Variants in ZNF91 observed in about 807,000 individuals in gnomAD.
ZNF91 encodes zinc finger protein 91.
A neutral mutation model predicts 12.6 loss-of-function variants in ZNF91; 7 were observed. The ratio of observed to expected loss-of-function variants is 0.55; its 90% CI spans 0.31 to 1.04. The LOEUF (loss-of-function observed/expected upper bound fraction) is 1.04, where lower values mean the gene tolerates loss of function less well. Among genes scored for constraint, ZNF91 ranks in the 50% least tolerant of loss-of-function variants. ZNF91 has a pLI of 0.05. For missense variants in ZNF91, 1,217 were observed against 1,385.4 expected (o/e 0.88, Z 1.93); for synonymous variants, 453 against 462.6 (o/e 0.98, Z 0.27).
intron 1 of ZNF91, among the ~76,000 whole-genome samples, chr19:23,316,010 T>C (rs1013226538): frequency 2.6e-5 from 4 of 152,152 alleles, no homozygotes; most frequent in African/African-American, 4.8e-5. Context: ...ACTCAACAAG[T>C]AGGTGATGCG....
At chr19:23,326,721 C>T (rs1288009530) in intron 1 of ZNF91, 1 of 152,206 alleles carries the variant, frequency 6.6e-6, no homozygotes, top group Admixed American at 6.5e-5. Flanking sequence ...TATTACTACA[C>T]ATTCAGCAAA....
chr19:23,373,831 G>C lies in ZNF91; in HGVS notation c.164C>G (p.Ala55Gly), dbSNP rs1285916572. The C allele has an allele frequency of 6.3e-7, 1 of 1,596,874 alleles. No homozygotes were observed. Among genetic ancestry groups the C allele is most frequent in the Non-Finnish European group, 8.5e-7 (1 of 1,172,464 alleles). Residue 55 changes from alanine to glycine, a missense_variant, in exon 3 of 4, where the codon GCT becomes GGT. Physicochemically the swap from Ala to Gly is moderately conservative, Grantham distance 60. This residue lies in a region of ZNF91 where 726 missense variants were observed against 895.5 expected (regional missense o/e 0.81). Coordinates refer to ENST00000300619, the MANE Select transcript of ZNF91 (RefSeq NM_003430.4). ...NYRNLAFLGI[A>G]LSKPDLITYL... Reference sequence around the variant, plus strand: ...AGTAATCAGGTCTGGCTTAGAGAGAGCAATACCTGTTTTATTAAAAATAAC... The same window carrying C: ...AGTAATCAGGTCTGGCTTAGAGAGACCAATACCTGTTTTATTAAAAATAAC...
At chr19:23,315,554 C>T (rs1298659476), upstream of ZNF91, among the ~76,000 whole-genome samples, 1 of 151,218 alleles carries the variant, frequency 6.6e-6, no homozygotes, top group Admixed American at 6.6e-5. Context: ...GGGCCCATGA[C>T]CTGACCTAGG....
intron 1 of ZNF91, among the ~76,000 whole-genome samples, chr19:23,383,602 C>T (rs974692504): frequency 1.3e-5 from 2 of 151,972 alleles, no homozygotes; most frequent in Admixed American, 6.6e-5. Flanking sequence ...GAAGGAGAAT[C>T]GCTTGAACCC....
chr19:23,375,343 T>G (rs1311115674), intron 1 of ZNF91, among the ~76,000 whole-genome samples: 2 of 152,052 alleles, frequency 1.3e-5, no homozygotes, highest in Non-Finnish European at 2.9e-5. Context: ...GTATTTTTAG[T>G]AGAGACAGGG....
intron 3 of ZNF91, among the ~76,000 whole-genome samples, chr19:23,346,908 G>T (rs554547965): frequency 2.6e-5 from 4 of 152,100 alleles, no homozygotes; most frequent in Admixed American, 2.6e-4. Context: ...TAGAAGCTCC[G>T]CACATCACCA....
Position 23,385,967 on chromosome 19 carries a change from T to C in ZNF91, c.30+9358A>G, listed in dbSNP as rs540585581. 5.9e-5 allele frequency among the ~76,000 whole-genome samples: 9 copies of C among 152,240 alleles called. No individual in the cohort carries two copies. The East Asian group carries it at 1.7e-3, about 29-fold the overall frequency. On this transcript the variant is annotated intron_variant, in intron 1 of 3. Coordinates refer to ENST00000300619, the MANE Select transcript of ZNF91 (RefSeq NM_003430.4). ...ATTTTTACATGCCTTTGGAAAAAAA[T>C]AATTTTAGGATACAAAATAAATGGA...
intron 3 of ZNF91, among the ~76,000 whole-genome samples, chr19:23,347,069 T>C (rs1282428605): frequency 6.6e-6 from 1 of 151,764 alleles, no homozygotes; most frequent in Non-Finnish European, 1.5e-5. Context: ...TGGCAGCTCC[T>C]TCCTACATCA....
At chr19:23,305,252 G>A (rs1385668855) in intron 3 of ZNF91, 1 of 151,926 alleles carries the variant, frequency 6.6e-6, no homozygotes, top group Admixed American at 6.6e-5. Flanking sequence ...TCTATGTAAT[G>A]TCCATTTATG....
chr19:23,330,110 C>T (rs1203445909), intron 1 of ZNF91, among the ~76,000 whole-genome samples: 11 of 152,264 alleles, frequency 7.2e-5, no homozygotes, highest in African/African-American at 2.6e-4. Context: ...TGAGGCGGAT[C>T]ACCTGATGTC....
intron 1 of ZNF91, among the ~76,000 whole-genome samples, chr19:23,320,397 C>G (rs1967663405): frequency 6.6e-6 from 1 of 152,116 alleles, no homozygotes; most frequent in Non-Finnish European, 1.5e-5. Context: ...TAAAGAACTG[C>G]CCAAGACCAG....
chr19:23,331,575 T>C (rs1967929043), intron 1 of ZNF91, among the ~76,000 whole-genome samples: 1 of 152,212 alleles, frequency 6.6e-6, no homozygotes, highest in South Asian at 2.1e-4. Flanking sequence ...CAGTAAGTGC[T>C]GAAAACAGGG....
chr19:23,349,933 C>T (rs1968322857), intron 3 of ZNF91, among the ~76,000 whole-genome samples: 1 of 152,188 alleles, frequency 6.6e-6, no homozygotes, highest in Non-Finnish European at 1.5e-5. Flanking sequence ...CGAATATTAA[C>T]AGTCCTGCCA....
downstream of ZNF91, among the ~76,000 whole-genome samples, chr19:23,355,789 C>T (rs1234493550): frequency 6.6e-6 from 1 of 152,020 alleles, no homozygotes; most frequent in Non-Finnish European, 1.5e-5. Flanking sequence ...CTACAACAAA[C>T]TCAAGCAAAT....
chr19:23,327,706 G>A (rs1967862950), intron 1 of ZNF91: 1 of 152,114 alleles, frequency 6.6e-6, no homozygotes, highest in South Asian at 2.1e-4. Flanking sequence ...ATTTTTTTAA[G>A]CCATTTTATC....
intron 1 of ZNF91, among the ~76,000 whole-genome samples, chr19:23,330,476 GATGGTCCTCTGTT>G (rs1185604250): frequency 6.6e-6 from 1 of 152,204 alleles, no homozygotes; most frequent in Non-Finnish European, 1.5e-5. Flanking sequence ...GTGCTCCAAA[GATGGTCCTCTGTT>G]ATGGTATTAA....
intron 1 of ZNF91, among the ~76,000 whole-genome samples, chr19:23,320,742 G>C (rs911576941): frequency 6.6e-6 from 1 of 152,204 alleles, no homozygotes; most frequent in Non-Finnish European, 1.5e-5. Flanking sequence ...GGTACAGAGA[G>C]TGTACTAACA....
chr19:23,342,846 C>T (rs1968152525), intron 3 of ZNF91, among the ~76,000 whole-genome samples: 1 of 151,948 alleles, frequency 6.6e-6, no homozygotes, highest in African/African-American at 2.4e-5. Context: ...GACATTCCCA[C>T]TCCTCTTGAG....
rs1375622384 is a variant in ZNF91, at chr19:23,324,894, CAT to C, written n.117-15799_117-15798del. 3.9e-5 allele frequency: 6 copies of C among 152,016 alleles called. No homozygotes were observed. In the South Asian group the frequency reaches 1.0e-3, roughly 26 times the overall value. 9.4% of individuals were successfully genotyped at this position (152,016 alleles called of 1,614,324 possible). Reference sequence around the variant, plus strand: ...TTGTTACATAACTATCCGCCCTTTTCATAGAGCGCTGTTTCTTGAGCCAGGTC... The same window carrying C: ...TTGTTACATAACTATCCGCCCTTTTCAGAGCGCTGTTTCTTGAGCCAGGTC... On this transcript the variant is annotated intron_variant and non_coding_transcript_variant, in intron 1 of 1. Transcript: ENST00000596528.
Sources: gnomAD v4.1 joint callset for allele counts (sites outside exome capture counted in the v4.1 genomes callset) on GRCh38, gnomAD v4.1.1 for gene constraint, gnomAD v4.1.1 regional missense constraint, MANE v1.5 for transcripts, NCBI Gene and HGNC (gene_info 2026-07-23, HGNC 2026-07-21) for gene names.